ASCC3: variants seen among roughly 807,000 people sequenced by gnomAD.
The protein encoded by ASCC3 is ASC-1 complex subunit P200.
A neutral mutation model predicts 256.3 loss-of-function variants in ASCC3; 158 were observed. The ratio of observed to expected loss-of-function variants is 0.62; its 90% confidence interval spans 0.54 to 0.70. The LOEUF (loss-of-function observed/expected upper bound fraction) is 0.70. Ranked by LOEUF, ASCC3 falls within the 30% of genes least tolerant of loss-of-function variation. The probability of loss-of-function intolerance (pLI) is 0.00; values close to 1 mark genes in which losing one functional copy is unlikely to be tolerated. For missense variants in ASCC3, 2,259 were observed against 2,626.0 expected, an observed-to-expected ratio of 0.86 and a Z score of 3.05; for synonymous variants, 948 against 883.4, an observed-to-expected ratio of 1.07 and a Z score of -1.30.
intron 8 of ASCC3, among the ~76,000 whole-genome samples, chr6:100,773,743 G>C (rs1380095364): frequency 6.6e-6 from 1 of 151,996 alleles, no homozygotes. Flanking sequence ...AACATAATAG[G>C]CTACTAAATA....
intron 4 of ASCC3, among the ~76,000 whole-genome samples, chr6:100,824,347 G>A (rs1475235270): frequency 6.6e-6 from 1 of 152,112 alleles, no homozygotes; most frequent in African/African-American, 2.4e-5. Context: ...GTGACTACTA[G>A]AGAATTCATT....
chr6:100,729,963 G>C (rs899944759), intron 10 of ASCC3, among the ~76,000 whole-genome samples: 2 of 151,922 alleles, frequency 1.3e-5, no homozygotes, highest in African/African-American at 4.8e-5. Flanking sequence ...AATCTCAGGA[G>C]CCATTGATTC....
intron 4 of ASCC3, among the ~76,000 whole-genome samples, chr6:100,824,676 C>T (rs1478081535): frequency 1.3e-5 from 2 of 151,640 alleles, no homozygotes; most frequent in East Asian, 1.9e-4. Context: ...AACTAGAAGA[C>T]ATATTAAATA....
At chr6:100,822,645 G>A (rs964325439) in intron 4 of ASCC3, among the ~76,000 whole-genome samples, 17 of 152,048 alleles carry the variant, frequency 1.1e-4, no homozygotes, top group Non-Finnish European at 1.8e-4. Context: ...GGTTAAGACC[G>A]GTACTAAAGA....
chr6:100,771,060 A>G lies in ASCC3; in HGVS notation c.1396-3715T>C, dbSNP rs186363832. Among the ~76,000 whole-genome samples, 153 of 152,234 alleles carry G rather than the reference A, an allele frequency of 1.0e-3. 1 individual carries two copies. Among genetic ancestry groups the G allele is most frequent in the African/African-American group, 3.5e-3 (144 of 41,570 alleles). On this transcript the variant is annotated intron_variant, in intron 8 of 41. Transcript: ENST00000369162. ...TTATTAAAACACTAGAGAAATCAAA[A>G]CAGCAAGGTATTTACATAAATACAA...
At chr6:100,772,353 A>G (rs1009423187) in intron 8 of ASCC3, among the ~76,000 whole-genome samples, 15 of 152,230 alleles carry the variant, frequency 9.9e-5, no homozygotes, top group Non-Finnish European at 2.9e-5. Flanking sequence ...AAACATGAAT[A>G]TGAATGCTCA....
At chr6:100,693,122 G>A (rs1777916156) in intron 13 of ASCC3, among the ~76,000 whole-genome samples, 1 of 151,964 alleles carries the variant, frequency 6.6e-6, no homozygotes, top group Non-Finnish European at 1.5e-5. Context: ...GATGACTATA[G>A]AGTATATCTT....
chr6:100,646,810 G>GA (rs757931970), intron 21 of ASCC3, 41 bp from the exon 22 acceptor site: 1 of 1,592,184 alleles, frequency 6.3e-7, no homozygotes, highest in East Asian at 2.2e-5. Context: ...TGTCCAGGCA[G>GA]AAAAAAGCAA....
intron 13 of ASCC3, among the ~76,000 whole-genome samples, chr6:100,697,942 C>T (rs1313009445): frequency 6.6e-6 from 1 of 152,102 alleles, no homozygotes; most frequent in Non-Finnish European, 1.5e-5. Context: ...TTTATATCTT[C>T]AAATTCCTAA....
At chr6:100,826,696 T>C (rs552569315) in intron 4 of ASCC3, among the ~76,000 whole-genome samples, 1 of 152,212 alleles carries the variant, frequency 6.6e-6, no homozygotes, top group South Asian at 2.1e-4. Context: ...ACACTGGCAA[T>C]GAATCAACAT....
intron 3 of ASCC3, among the ~76,000 whole-genome samples, chr6:100,849,074 C>T (rs1181858180): frequency 1.3e-5 from 2 of 152,146 alleles, no homozygotes; most frequent in East Asian, 3.8e-4. Context: ...TCACTGTACT[C>T]AGCCTGGGCA....
At chr6:100,659,115 AAACT>A (rs1478443154) in intron 16 of ASCC3, among the ~76,000 whole-genome samples, 1 of 151,412 alleles carries the variant, frequency 6.6e-6, no homozygotes, top group Non-Finnish European at 1.5e-5. Context: ...CAGTTCTCCT[AAACT>A]AATAGTCAGA....
At chr6:100,546,077 T>C (rs749710798) in intron 36 of ASCC3, among the ~76,000 whole-genome samples, 73 of 152,160 alleles carry the variant, frequency 4.8e-4, no homozygotes, top group Non-Finnish European at 7.9e-4. Context: ...ACAAAATTAA[T>C]ATACAAAAAT....
chr6:100,844,077 G>A (rs1340378293), intron 4 of ASCC3, among the ~76,000 whole-genome samples: 1 of 150,188 alleles, frequency 6.7e-6, no homozygotes, highest in Non-Finnish European at 1.5e-5. Context: ...AGCAAACAGA[G>A]ACAAAATTTG....
rs1468995387 is a variant in ASCC3, at chr6:100,776,333, T to A, written c.1396-8988A>T. Among the ~76,000 whole-genome samples the A allele has an allele frequency of 2.0e-5, 3 of 152,116 alleles. No homozygotes were observed. The South Asian group carries it at 6.2e-4, about 31-fold the overall frequency. On this transcript the variant is annotated intron_variant, in intron 8 of 41. Coordinates refer to ENST00000369162, the MANE Select transcript of ASCC3 (RefSeq NM_006828.4). The stretch of plus-strand genomic sequence containing the variant: ...GTTTAATCCAGATAGTCATTCTAAG[T>A]ATATACCATTTTCCCTTTTAACTGG...
At chr6:100,790,917 T>A (rs1290929709) in intron 8 of ASCC3, among the ~76,000 whole-genome samples, 1 of 151,862 alleles carries the variant, frequency 6.6e-6, no homozygotes, top group African/African-American at 2.4e-5. Flanking sequence ...GGTACTGCAA[T>A]CCTGAAAAGG....
chr6:100,773,491 C>G (rs1333885548), intron 8 of ASCC3, among the ~76,000 whole-genome samples: 4 of 152,142 alleles, frequency 2.6e-5, no homozygotes, highest in Non-Finnish European at 4.4e-5. Context: ...CTCCAATTCC[C>G]TAAACAATTG....
intron 8 of ASCC3, among the ~76,000 whole-genome samples, chr6:100,781,473 T>C (rs572809489): frequency 6.6e-6 from 1 of 151,830 alleles, no homozygotes; most frequent in East Asian, 1.9e-4. Flanking sequence ...GCCCTCCGCC[T>C]CCCGGGTTCA....
At chr6:100,879,478 G>A (rs979756157) in intron 1 of ASCC3, among the ~76,000 whole-genome samples, 1 of 152,100 alleles carries the variant, frequency 6.6e-6, no homozygotes, top group Non-Finnish European at 1.5e-5. Context: ...AGCTAGCTAA[G>A]ACAAAATTCT....
Sources: allele counts gnomAD v4.1 joint callset (sites outside exome capture counted in the v4.1 genomes callset), GRCh38; gene constraint gnomAD v4.1.1; transcripts MANE v1.5; gene names NCBI Gene and HGNC (gene_info 2026-07-23, HGNC 2026-07-21).